Variants in STS observed in about 807,000 individuals in gnomAD.
The protein encoded by STS is steryl-sulfatase.
STS carries 7 observed loss-of-function variants against 26.8 expected under a neutral mutation model. The ratio of observed to expected loss-of-function variants is 0.26; its 90% CI spans 0.15 to 0.49. STS has a LOEUF of 0.49. STS is among the 20% of genes least tolerant of loss of function. The probability of loss-of-function intolerance (pLI) is 0.98; values close to 1 mark genes in which losing one functional copy is unlikely to be tolerated. For synonymous variants in STS, 199 were observed against 189.4 expected (o/e 1.05, Z -0.42); for missense variants, 434 against 465.6 (o/e 0.93, Z 0.63).
At chrX:7,188,655 A>G (rs1933817263) in intron 1 of STS, among the ~76,000 whole-genome samples, 1 of 111,944 alleles carries the variant, frequency 8.9e-6, no homozygotes, top group African/African-American at 3.2e-5. Context: ...CTTTGTCTTC[A>G]TTTCTCACTG....
At chrX:7,190,207 C>T (rs1451890946) in intron 1 of STS, among the ~76,000 whole-genome samples, 1 of 109,923 alleles carries the variant, frequency 9.1e-6, no homozygotes, top group African/African-American at 3.3e-5. Flanking sequence ...TAGATGGTCC[C>T]ATCTGGAGGT....
intron 7 of STS, among the ~76,000 whole-genome samples, chrX:7,284,362 A>T (rs1162498138): frequency 8.9e-6 from 1 of 111,892 alleles, no homozygotes; most frequent in Non-Finnish European, 1.9e-5. Context: ...CCCATCTGTT[A>T]GCTCAATGGC....
At chrX:7,176,982 T>G (rs1223201206) in intron 1 of STS, among the ~76,000 whole-genome samples, 2 of 111,931 alleles carry the variant, frequency 1.8e-5, no homozygotes, top group Non-Finnish European at 3.8e-5. Flanking sequence ...TCTACCCATT[T>G]TGCCTCTATG....
chrX:7,152,164 G>A, intron 1 of STS, among the ~76,000 whole-genome samples: 1 of 110,149 alleles, frequency 9.1e-6, no homozygotes, highest in Non-Finnish European at 1.9e-5. Context: ...ATGTTAGCCA[G>A]GATGGTCTCG....
At chrX:7,336,036 G>A (rs895378569) in intron 10 of STS, among the ~76,000 whole-genome samples, 4 of 111,740 alleles carry the variant, frequency 3.6e-5, no homozygotes, top group African/African-American at 9.8e-5. Context: ...TTGAAGTCAG[G>A]TAGCGTGAAA....
intron 2 of STS, among the ~76,000 whole-genome samples, chrX:7,202,543 G>A (rs192246262): frequency 6.1e-4 from 68 of 111,890 alleles, no homozygotes; most frequent in Non-Finnish European, 6.2e-4. Context: ...GTTACATCAC[G>A]TTAGGTGGAA....
At chrX:7,259,213 T>C (rs1045407555) in intron 5 of STS, 136 bp from the exon 6 acceptor site, 18 of 632,233 alleles carry the variant, frequency 2.8e-5, no homozygotes, top group Non-Finnish European at 4.5e-5. Flanking sequence ...TGAAAAATTC[T>C]AGGGTCCTAT....
At chrX:7,272,397 C>T (rs1252100363) in intron 6 of STS, among the ~76,000 whole-genome samples, 2 of 110,154 alleles carry the variant, frequency 1.8e-5, no homozygotes, top group African/African-American at 6.6e-5. Flanking sequence ...AGACTGAGGA[C>T]AGAAGTTCTG....
intron 2 of STS, among the ~76,000 whole-genome samples, chrX:7,231,448 T>G (rs1398043791): frequency 8.9e-6 from 1 of 111,934 alleles, no homozygotes; most frequent in East Asian, 2.8e-4. Context: ...ACTGGTCCCT[T>G]TGGCTTTCCA....
At chrX:7,289,920 G>A (rs1009655155) in intron 7 of STS, among the ~76,000 whole-genome samples, 2 of 111,719 alleles carry the variant, frequency 1.8e-5, no homozygotes, top group Admixed American at 1.9e-4. Context: ...CTCCCAAAAT[G>A]TTGGGATTAC....
intron 5 of STS, among the ~76,000 whole-genome samples, chrX:7,259,051 A>C (rs1923587513): frequency 9.0e-6 from 1 of 111,304 alleles, no homozygotes; most frequent in Non-Finnish European, 1.9e-5. Context: ...TCACTAAATT[A>C]GTTCTTATTT....
At chrX:7,199,365 A>G (rs1378376776) in intron 2 of STS, among the ~76,000 whole-genome samples, 4 of 112,152 alleles carry the variant, frequency 3.6e-5, no homozygotes, top group Non-Finnish European at 7.5e-5. Flanking sequence ...AATGGTTAGT[A>G]TAATACTTGT....
Position 7,351,839 on chromosome X carries a change from A to G in STS, c.*1578A>G, listed in dbSNP as rs1928811078. ...ACCCACAACCCTGGGAAGTTGGAGC[A>G]AGAGGGGCATACTATTGGGCTGGGA... On this transcript the variant is annotated 3_prime_UTR_variant, in exon 11 of 11. Coordinates refer to ENST00000674429, the MANE Select transcript of STS (RefSeq NM_001320752.2). The G allele has an allele frequency of 9.1e-6, 1 of 109,759 alleles. No individual in the cohort carries two copies. The highest frequency in any genetic ancestry group is 1.9e-5 in the Non-Finnish European group (1 of 52,711). 9.0% of individuals were successfully genotyped at this position (109,759 alleles called of 1,213,427 possible).
chrX:7,246,944 G>A (rs976818733), intron 2 of STS, among the ~76,000 whole-genome samples: 3 of 112,950 alleles, frequency 2.7e-5, no homozygotes, highest in Non-Finnish European at 5.6e-5. Context: ...TCAAATAAAT[G>A]TCATAAATTA....
At position 7,219,424 on chromosome X, in the gene STS, G is replaced by A. The variant is rs1328090280; in HGVS notation, c.-5+28416G>A. ...CAAAAGAATGCAGCAACTAGGCAAA[G>A]AGTGTCTCCGCCTCACATTATCTGC... On this transcript the variant is annotated intron_variant, in intron 2 of 10. Coordinates refer to ENST00000674429, the MANE Select transcript of STS (RefSeq NM_001320752.2). The A allele has an allele frequency of 1.9e-5, 20 of 1,048,616 alleles. No homozygotes were observed. In the East Asian group the frequency reaches 7.1e-4, roughly 37 times the overall value. 86.4% of individuals were successfully genotyped at this position (1,048,616 alleles called of 1,213,427 possible).
intron 2 of STS, among the ~76,000 whole-genome samples, chrX:7,205,509 T>C: frequency 8.9e-6 from 1 of 112,160 alleles, no homozygotes; most frequent in East Asian, 2.8e-4. Flanking sequence ...ATTCACTGAC[T>C]TTATTCAGGG....
At chrX:7,240,906 A>G (rs1025984983) in intron 2 of STS, among the ~76,000 whole-genome samples, 1 of 110,982 alleles carries the variant, frequency 9.0e-6, no homozygotes. Context: ...GAGTGAAACG[A>G]AACCATGCCT....
intron 2 of STS, among the ~76,000 whole-genome samples, chrX:7,229,257 T>A (rs1354875901): frequency 9.0e-6 from 1 of 111,648 alleles, no homozygotes; most frequent in Non-Finnish European, 1.9e-5. Flanking sequence ...CATTTCAGTG[T>A]GGTTGTGATT....
intron 3 of STS, among the ~76,000 whole-genome samples, chrX:7,255,500 C>A (rs1221756420): frequency 1.8e-5 from 2 of 111,788 alleles, no homozygotes; most frequent in Non-Finnish European, 3.8e-5. Context: ...TAAAATCAAG[C>A]CTTTGAGGTT....
Sources: gnomAD v4.1 joint callset for allele counts (sites outside exome capture counted in the v4.1 genomes callset) on GRCh38, gnomAD v4.1.1 for gene constraint, MANE v1.5 for transcripts, NCBI Gene and HGNC (gene_info 2026-07-23, HGNC 2026-07-21) for gene names.